USP33: variants seen among roughly 807,000 people sequenced by gnomAD.
USP33 encodes ubiquitin specific peptidase 33, also known as ubiquitin carboxyl-terminal hydrolase 33.
A neutral mutation model predicts 124.2 loss-of-function variants in USP33; 46 were observed. The observed-to-expected ratio is 0.37, with a 90% confidence interval of 0.29 to 0.47. The LOEUF (loss-of-function observed/expected upper bound fraction) is 0.47. Ranked by LOEUF, USP33 falls within the 20% of genes least tolerant of loss-of-function variation. The probability of loss-of-function intolerance (pLI) is 0.99; values close to 1 mark genes in which losing one functional copy is unlikely to be tolerated. For missense variants in USP33, 851 were observed against 1,070.6 expected (o/e 0.79, Z 2.86); for synonymous variants, 350 against 352.3 (o/e 0.99, Z 0.07).
chr1:77,741,262 G>A, intron 3 of USP33, 114 bp downstream of exon 3: 1 of 1,022,510 alleles, frequency 9.8e-7, no homozygotes, highest in Non-Finnish European at 1.4e-6. Context: ...CCTTTTAAAA[G>A]CAAGTTTAAT....
chr1:77,711,338 C>A (rs1675226267), intron 21 of USP33, among the ~76,000 whole-genome samples: 1 of 152,240 alleles, frequency 6.6e-6, no homozygotes, highest in African/African-American at 2.4e-5. Flanking sequence ...ACCAGCATGG[C>A]CAACATGGCA....
chr1:77,715,095 TA>T (rs201047695), intron 18 of USP33, among the ~76,000 whole-genome samples: 84 of 151,122 alleles, frequency 5.6e-4, no homozygotes, highest in African/African-American at 1.2e-3. Context: ...TATAAGATGC[TA>T]AAAAAAAACA....
At chr1:77,700,778 G>A (rs1178507438) in intron 22 of USP33, among the ~76,000 whole-genome samples, 1 of 147,628 alleles carries the variant, frequency 6.8e-6, no homozygotes, top group African/African-American at 2.5e-5. Flanking sequence ...TCAGTTCACT[G>A]CAGCCTCCGC....
chr1:77,733,112 G>A (rs930958948), intron 7 of USP33, among the ~76,000 whole-genome samples: 8 of 151,940 alleles, frequency 5.3e-5, no homozygotes, highest in African/African-American at 1.4e-4. Context: ...CTTCTTTAAC[G>A]TCCGAGCACA....
rs142959506 is a variant in USP33 at position 77,736,085 on chromosome 1, G to A, written c.425C>T (p.Ala142Val). 2.8e-4 allele frequency: 453 copies of A among 1,611,638 alleles called. 6 individuals are homozygous for A. In the South Asian group the frequency reaches 3.8e-3, roughly 14 times the overall value. Residue 142 changes from alanine (A) to valine (V), a missense_variant, in exon 6 of 24, where the codon GCG becomes GTG. Around this residue, in one of 4 missense-constraint regions of USP33, gnomAD observed 221 missense variants for 302.9 expected, o/e 0.73. Coordinates refer to ENST00000370794, the MANE Select transcript of USP33 (RefSeq NM_201624.3). The part of the protein sequence containing the change: ...VAVFDDLDIE[A>V]DEEDELRARG... Reference sequence around the variant, plus strand: ...GGCCCTAAGTTCATCTTCTTCATCCGCTTCTATATCCAGATCATCAAATAC... The same window carrying A: ...GGCCCTAAGTTCATCTTCTTCATCCACTTCTATATCCAGATCATCAAATAC...
intron 21 of USP33, among the ~76,000 whole-genome samples, chr1:77,709,609 GA>G (rs1353202248): frequency 4.7e-5 from 7 of 150,000 alleles, no homozygotes; most frequent in Admixed American, 3.3e-4. Context: ...TGTAAATATA[GA>G]ACATATTCTC....
At chr1:77,721,976 A>T (rs763855419) in intron 13 of USP33, 48 bp downstream of exon 13, 2 of 1,604,572 alleles carry the variant, frequency 1.2e-6, no homozygotes, top group East Asian at 4.5e-5. Context: ...AGTACAGCAG[A>T]AACAGCAGGT....
intron 7 of USP33, among the ~76,000 whole-genome samples, chr1:77,731,068 T>C (rs527618350): frequency 1.7e-4 from 26 of 152,298 alleles, no homozygotes; most frequent in African/African-American, 5.5e-4. Flanking sequence ...TTGAAACTCC[T>C]TTTCCCTCTC....
intron 15 of USP33, among the ~76,000 whole-genome samples, chr1:77,719,924 G>C (rs1676368176): frequency 6.6e-6 from 1 of 150,964 alleles, no homozygotes; most frequent in Middle Eastern, 3.5e-3. Flanking sequence ...CATTTTGGGA[G>C]GCCAATGTTG....
chr1:77,751,120 C>A (rs1233927281), intron 1 of USP33, among the ~76,000 whole-genome samples: 4 of 152,194 alleles, frequency 2.6e-5, no homozygotes, highest in Non-Finnish European at 5.9e-5. Context: ...TTGTGACTTA[C>A]AAGTTGGAAA....
intron 22 of USP33, 127 bp downstream of exon 22, chr1:77,701,242 G>T: frequency 3.2e-6 from 2 of 626,148 alleles, no homozygotes; most frequent in Non-Finnish European, 5.4e-6. Context: ...TAAGATCCCT[G>T]AGGACAGGAT....
intron 21 of USP33, among the ~76,000 whole-genome samples, chr1:77,707,039 C>G (rs1312167425): frequency 6.6e-6 from 1 of 152,112 alleles, no homozygotes. Flanking sequence ...GGTTACAGTA[C>G]TGGCTGCAAT....
intron 11 of USP33, among the ~76,000 whole-genome samples, chr1:77,724,947 CAGG>C (rs774932661): frequency 1.3e-5 from 2 of 152,020 alleles, no homozygotes; most frequent in South Asian, 2.1e-4. Context: ...GAGGCTGAGG[CAGG>C]AGAACTGCTT....
chr1:77,730,329 G>A (rs1677664304), intron 8 of USP33, among the ~76,000 whole-genome samples: 1 of 152,122 alleles, frequency 6.6e-6, no homozygotes, highest in African/African-American at 2.4e-5. Context: ...TTGTGAGAAT[G>A]GCTGCTCCTG....
At chr1:77,748,810 G>C (rs1363111928) in intron 1 of USP33, among the ~76,000 whole-genome samples, 1 of 117,396 alleles carries the variant, frequency 8.5e-6, no homozygotes, top group Non-Finnish European at 1.6e-5. Flanking sequence ...AATCAGGATT[G>C]GCAGCATTTA....
chr1:77,726,052 C>A lies in USP33; in HGVS notation c.1136-290G>T, dbSNP rs149085282. Reference sequence around the variant, plus strand: ...GCAACCTCCGCATCCTGGATTCAAGCGATTCTTCTGCCTCAGCCTCCCAAG... The same window carrying A: ...GCAACCTCCGCATCCTGGATTCAAGAGATTCTTCTGCCTCAGCCTCCCAAG... On this transcript the variant is annotated intron_variant, in intron 10 of 23. Transcript: ENST00000370794. Among the ~76,000 whole-genome samples, 1,088 of 152,298 alleles carry A rather than the reference C, an allele frequency of 7.1e-3. 16 individuals carry two copies. The highest frequency in any genetic ancestry group is 0.024 in the African/African-American group (1,012 of 41,568).
intron 1 of USP33, among the ~76,000 whole-genome samples, chr1:77,751,315 C>A (rs1413223326): frequency 6.6e-6 from 1 of 152,190 alleles, no homozygotes; most frequent in Non-Finnish European, 1.5e-5. Flanking sequence ...CTATGATGTA[C>A]AGCTCCGGTG....
At chr1:77,709,882 T>TACACAC (rs35770178) in intron 21 of USP33, among the ~76,000 whole-genome samples, 3,957 of 144,834 alleles carry the variant, frequency 0.027, 107 homozygotes, top group East Asian at 0.12. Context: ...TGCATACACA[T>TACACAC]ACACACACAC....
chr1:77,717,956 T>C lies in USP33; in HGVS notation c.1829A>G (p.Asp610Gly). The change falls in exon 17 of 24, where the codon GAT becomes GGT. Residue 610 changes from aspartate to glycine, a missense_variant. Asp to Gly is a moderately conservative substitution (Grantham distance 94). Transcript: ENST00000370794. ...THVSFPLEGL[D>G]LQPFLAKDSP... ...ATCCTTAGCAAGAAATGGCTGAAGA[T>C]CCAAGCCTTCTAGCGGAAATGAAAC... 6.2e-7 allele frequency: 1 copy of C among 1,614,034 alleles called. No homozygotes were observed. The highest frequency in any genetic ancestry group is 8.5e-7 in the Non-Finnish European group (1 of 1,179,956).
Sources: gnomAD v4.1 joint callset for allele counts (sites outside exome capture counted in the v4.1 genomes callset) on GRCh38, gnomAD v4.1.1 for gene constraint, gnomAD v4.1.1 regional missense constraint, MANE v1.5 for transcripts, NCBI Gene and HGNC (gene_info 2026-07-23, HGNC 2026-07-21) for gene names.